ADCYAP1R1: variants seen among roughly 807,000 people sequenced by gnomAD.
ADCYAP1R1 encodes pituitary adenylate cyclase-activating polypeptide type I receptor.
ADCYAP1R1 carries 44 observed loss-of-function variants against 67.6 expected under a neutral mutation model. That is an observed-to-expected ratio of 0.65 (90% CI 0.51 to 0.84). ADCYAP1R1 has a LOEUF of 0.84. Among genes scored for constraint, ADCYAP1R1 ranks in the 40% least tolerant of loss-of-function variants. The probability of loss-of-function intolerance (pLI) is 0.00; values close to 1 mark genes in which losing one functional copy is unlikely to be tolerated. For synonymous variants in ADCYAP1R1, 222 were observed against 219.6 expected (o/e 1.01, Z -0.10); for missense variants, 477 against 587.9 (o/e 0.81, Z 1.95).
chr7:31,078,121 A>G (rs1795355198), intron 4 of ADCYAP1R1, 23 bp downstream of exon 4: 1 of 1,584,926 alleles, frequency 6.3e-7, no homozygotes, highest in Non-Finnish European at 8.6e-7. Flanking sequence ...CAGTCTCTTT[A>G]GGCCACGCTG....
intron 13 of ADCYAP1R1, among the ~76,000 whole-genome samples, chr7:31,097,164 C>A (rs532912609): frequency 1.3e-4 from 20 of 152,242 alleles, no homozygotes; most frequent in Non-Finnish European, 2.6e-4. Context: ...GAAAGGCAGA[C>A]GTGGGGGTGA....
chr7:31,087,560 G>A, intron 11 of ADCYAP1R1, 67 bp from the exon 12 acceptor site: 1 of 1,443,424 alleles, frequency 6.9e-7, no homozygotes, highest in Admixed American at 1.7e-5. Flanking sequence ...AGGCAGGGCA[G>A]TGTCCCGCAG....
intron 1 of ADCYAP1R1, among the ~76,000 whole-genome samples, chr7:31,057,452 G>C (rs1203202299): frequency 6.6e-6 from 1 of 152,234 alleles, no homozygotes; most frequent in Non-Finnish European, 1.5e-5. Context: ...AACGGGCACA[G>C]GTGCCCCAGC....
chr7:31,087,621 T>A lies in ADCYAP1R1; in HGVS notation c.885-6T>A, dbSNP rs2128631665. The A allele has an allele frequency of 6.2e-7, 1 of 1,613,834 alleles. No individual in the cohort carries two copies. The highest frequency in any genetic ancestry group is 8.5e-7 in the Non-Finnish European group (1 of 1,179,828). On this transcript the variant is annotated splice_polypyrimidine_tract_variant and splice_region_variant and intron_variant, in intron 11 of 15. Coordinates refer to ENST00000304166, the MANE Select transcript of ADCYAP1R1 (RefSeq NM_001118.5). Reference sequence around the variant, plus strand: ...GTGATCTTGCTTCTCTCTGTCCATCTTTCAGCTGCTGGGATATGAATGACA... The same window carrying A: ...GTGATCTTGCTTCTCTCTGTCCATCATTCAGCTGCTGGGATATGAATGACA...
chr7:31,084,314 A>G, intron 7 of ADCYAP1R1, 64 bp downstream of exon 7: 1 of 1,407,210 alleles, frequency 7.1e-7, no homozygotes, highest in Non-Finnish European at 1.0e-6. Context: ...TTAGGTCAGT[A>G]GGCAGCATTC....
At chr7:31,095,856 C>G in intron 13 of ADCYAP1R1, 1 of 650,652 alleles carries the variant, frequency 1.5e-6, no homozygotes, top group Non-Finnish European at 2.8e-6. Flanking sequence ...GGGGCCTCTG[C>G]GGGGGGACGG....
intron 3 of ADCYAP1R1, among the ~76,000 whole-genome samples, chr7:31,071,827 G>A (rs1176258847): frequency 1.3e-5 from 2 of 151,942 alleles, no homozygotes; most frequent in African/African-American, 4.8e-5. Context: ...TGCCTACTTC[G>A]ACAGCTGTCT....
At chr7:31,056,207 G>T (rs1794233795) in intron 1 of ADCYAP1R1, among the ~76,000 whole-genome samples, 1 of 152,178 alleles carries the variant, frequency 6.6e-6, no homozygotes, top group South Asian at 2.1e-4. Flanking sequence ...GGAGGGCAAG[G>T]TCATAAAGGG....
chr7:31,054,269 T>C (rs1794151166), intron 1 of ADCYAP1R1, among the ~76,000 whole-genome samples: 1 of 152,136 alleles, frequency 6.6e-6, no homozygotes, highest in African/African-American at 2.4e-5. Context: ...GTTGGGTGTC[T>C]GGGACAAGAC....
At position 31,086,361 on chromosome 7, in the gene ADCYAP1R1, C is replaced by CA. The variant is rs778377419; in HGVS notation, c.670-22dup. 1.2e-5 allele frequency: 20 copies of CA among 1,611,578 alleles called. 2 individuals are homozygous for CA. In the South Asian group the frequency reaches 2.1e-4, roughly 17 times the overall value. ...CTGTTCCTGTTGGGCTCACGCCCCT[C>CA]ACCCTGGCGCTTCTCCCTGCAGGTG... On this transcript the variant is annotated intron_variant, in intron 9 of 15. Transcript: ENST00000304166. This position sits in a 1 kb window ranked among gnomAD's most constrained non-coding sequence, Gnocchi z 5.0.
At chr7:31,099,000 C>G (rs984889133) in intron 13 of ADCYAP1R1, among the ~76,000 whole-genome samples, 2 of 152,224 alleles carry the variant, frequency 1.3e-5, no homozygotes, top group African/African-American at 4.8e-5. Context: ...GAAGATAATA[C>G]AGCTCATCAT....
At chr7:31,075,736 TG>T (rs564777861) in intron 3 of ADCYAP1R1, among the ~76,000 whole-genome samples, 1 of 151,946 alleles carries the variant, frequency 6.6e-6, no homozygotes, top group South Asian at 2.1e-4. Flanking sequence ...GGATTGTTGG[TG>T]GGGGGCTTGT....
Position 31,061,841 on chromosome 7 carries a change from G to T in ADCYAP1R1, c.-71-1353G>T, listed in dbSNP as rs141853648. Among the ~76,000 whole-genome samples, 240 of 152,260 alleles carry T rather than the reference G, an allele frequency of 1.6e-3. 1 individual carries two copies. Among genetic ancestry groups the T allele is most frequent in the African/African-American group, 5.2e-3 (216 of 41,538 alleles). On this transcript the variant is annotated intron_variant, in intron 1 of 15. Transcript: ENST00000304166. ...CAGCAGCTCTGCCTGCTGGTGGGGG[G>T]GTGTGCGAAGACTAATGGTTGGGAT...
rs1277583645 is a variant in ADCYAP1R1, at chr7:31,098,335, CTG to C, written c.1047-4899_1047-4898del. 2.6e-5 allele frequency among the ~76,000 whole-genome samples: 4 copies of C among 152,324 alleles called. No individual in the cohort carries two copies. The East Asian group carries it at 7.7e-4, about 29-fold the overall frequency. On this transcript the variant is annotated intron_variant, in intron 13 of 15. Transcript: ENST00000304166. ...TATTTGAGTCTGTCTCTTTGTATGA[CTG>C]TGAAACAGACTTTTGACATTCATTG...
Position 31,052,493 on chromosome 7 carries a change from C to A in ADCYAP1R1, c.-257C>A, listed in dbSNP as rs1794051930. The stretch of plus-strand genomic sequence containing the variant: ...TGGTCCCCGCGTGCGCACACGCACA[C>A]GCCGCCGCGCAGGGACACACGGACC... On this transcript the variant is annotated 5_prime_UTR_variant, in exon 1 of 16. Transcript: ENST00000304166. 1 of 150,098 alleles carries A rather than the reference C, an allele frequency of 6.7e-6. No homozygotes were observed. The highest frequency in any genetic ancestry group is 2.1e-4 in the South Asian group (1 of 4,826). The allele number at this position is 150,098 out of a possible 1,614,324, so 9.3% of individuals were successfully genotyped here.
At chr7:31,064,761 G>A in intron 2 of ADCYAP1R1, 70 bp from the exon 3 acceptor site, 1 of 1,295,778 alleles carries the variant, frequency 7.7e-7, no homozygotes, top group Non-Finnish European at 1.1e-6. Context: ...CTGCCCCTGG[G>A]GCTTTGGTAG....
At chr7:31,095,380 G>A (rs1231445441) in intron 13 of ADCYAP1R1, among the ~76,000 whole-genome samples, 1 of 152,184 alleles carries the variant, frequency 6.6e-6, no homozygotes, top group East Asian at 1.9e-4. Flanking sequence ...AAACAAGTGT[G>A]CAAAATTAGG....
intron 11 of ADCYAP1R1, 86 bp downstream of exon 11, chr7:31,087,089 A>G: frequency 7.0e-7 from 1 of 1,433,208 alleles, no homozygotes; most frequent in Non-Finnish European, 9.8e-7. Flanking sequence ...CTTCACATGA[A>G]CTGCCCGCAA....
intron 4 of ADCYAP1R1, among the ~76,000 whole-genome samples, chr7:31,080,025 AGTTT>A (rs1795448738): frequency 1.3e-5 from 2 of 152,336 alleles, no homozygotes; most frequent in South Asian, 4.1e-4. Context: ...ATTTATTTAA[AGTTT>A]GTTTATTGAA....
Sources: gnomAD v4.1 joint callset for allele counts (sites outside exome capture counted in the v4.1 genomes callset) on GRCh38, gnomAD v4.1.1 for gene constraint, Gnocchi (gnomAD v3.1) non-coding constraint, MANE v1.5 for transcripts, NCBI Gene and HGNC (gene_info 2026-07-23, HGNC 2026-07-21) for gene names.